The following DSCAML1 variants were observed in gnomAD, a reference collection of about 807,000 sequenced individuals.
DSCAML1 encodes DS cell adhesion molecule like 1, also known as cell adhesion molecule DSCAML1.
Under a neutral mutation model 200.5 loss-of-function variants are expected in DSCAML1, and 38 were observed. That is an observed-to-expected ratio of 0.19 (90% CI 0.15 to 0.25). DSCAML1 has a LOEUF of 0.25. Among genes scored for constraint, DSCAML1 ranks in the 10% least tolerant of loss-of-function variants. The pLI is 1.00. For missense variants in DSCAML1, 2,223 were observed against 2,858.8 expected, an observed-to-expected ratio of 0.78 and a Z score of 5.07; for synonymous variants, 1,215 against 1,165.0, an observed-to-expected ratio of 1.04 and a Z score of -0.87.
intron 3 of DSCAML1, among the ~76,000 whole-genome samples, chr11:117,627,897 G>A (rs899879264): frequency 6.6e-6 from 1 of 151,866 alleles, no homozygotes; most frequent in African/African-American, 2.4e-5. Context: ...CCAGATCCCT[G>A]GAGCTCTAAT....
intron 3 of DSCAML1, among the ~76,000 whole-genome samples, chr11:117,623,216 C>CTTTTTTTTTTTTTTTTT (rs56343852): frequency 2.5e-5 from 3 of 121,112 alleles, no homozygotes; most frequent in African/African-American, 6.2e-5. Flanking sequence ...CTTTTCTTTT[C>CTTTTTTTTTTTTTTTTT]TTTTTTTTTT....
intron 3 of DSCAML1, among the ~76,000 whole-genome samples, chr11:117,640,605 A>C (rs981634091): frequency 1.3e-5 from 2 of 152,070 alleles, no homozygotes; most frequent in Non-Finnish European, 1.5e-5. Context: ...AGAAAATCCC[A>C]TTGATTCTTT....
intron 18 of DSCAML1, among the ~76,000 whole-genome samples, chr11:117,459,611 C>T (rs988591120): frequency 7.9e-5 from 12 of 152,256 alleles, no homozygotes; most frequent in Admixed American, 2.0e-4. Context: ...GAGGACCCAA[C>T]GTCCCAGCCC....
chr11:117,562,643 C>G (rs2050685314), intron 3 of DSCAML1, among the ~76,000 whole-genome samples: 1 of 152,250 alleles, frequency 6.6e-6, no homozygotes, highest in African/African-American at 2.4e-5. Flanking sequence ...GCCAGTAGCT[C>G]ACAGAGTAGG....
chr11:117,799,018 G>A (rs1316052330), upstream of DSCAML1, among the ~76,000 whole-genome samples: 1 of 152,182 alleles, frequency 6.6e-6, no homozygotes, highest in Non-Finnish European at 1.5e-5. Flanking sequence ...AGATGACCCA[G>A]ACCGATCTTT....
intron 3 of DSCAML1, among the ~76,000 whole-genome samples, chr11:117,535,511 C>T (rs1042012984): frequency 6.6e-6 from 1 of 152,104 alleles, no homozygotes; most frequent in Non-Finnish European, 1.5e-5. Flanking sequence ...TGGGTGAGGA[C>T]GAGAAGGAAG....
At chr11:117,672,313 G>T (rs1330062447) in intron 3 of DSCAML1, among the ~76,000 whole-genome samples, 2 of 151,954 alleles carry the variant, frequency 1.3e-5, no homozygotes, top group Non-Finnish European at 2.9e-5. Context: ...TATAATTTGG[G>T]GTTGGTATTT....
At position 117,437,239 on chromosome 11, in the gene DSCAML1, C is replaced by T; in HGVS notation, c.4603G>A (p.Glu1535Lys). Residue 1535 changes from glutamate to lysine, a missense_variant, in exon 26 of 33, where the codon GAG becomes AAG. Transcript: ENST00000651296. This position sits in a 1 kb window ranked among gnomAD's most constrained non-coding sequence, Gnocchi z 5.3. The stretch of plus-strand genomic sequence containing the variant: ...TCTCGCAGTTCCGTCAGAAACACCT[C>T]CCCGGAGCTGTTGGCCCGGAGGCCC... ...WQGLRANSSG[E>K]VFLTELREAT... The T allele has an allele frequency of 6.2e-7, 1 of 1,614,228 alleles. No homozygotes were observed. The highest frequency in any genetic ancestry group is 8.5e-7 in the Non-Finnish European group (1 of 1,180,040).
chr11:117,726,018 C>T (rs932467817), intron 3 of DSCAML1, among the ~76,000 whole-genome samples: 1 of 152,132 alleles, frequency 6.6e-6, no homozygotes, highest in African/African-American at 2.4e-5. Flanking sequence ...ACATCCTCAG[C>T]CCAGGTCAGG....
chr11:117,634,814 C>T (rs1241091480), intron 3 of DSCAML1, among the ~76,000 whole-genome samples: 2 of 152,214 alleles, frequency 1.3e-5, no homozygotes, highest in South Asian at 2.1e-4. Context: ...CTTGGACATC[C>T]TGAGCTTCAT....
rs1592675234 is a variant in DSCAML1 at position 117,505,126 on chromosome 11, G to A, written c.2063-83C>T. 1 of 1,544,574 alleles carries A rather than the reference G, an allele frequency of 6.5e-7. No individual in the cohort carries two copies. The highest frequency in any genetic ancestry group is 2.3e-5 in the East Asian group (1 of 44,102). ...GGGCTTCGAGCACCTTCTGTTTGAG[G>A]TCAGCCCTGCCCGGGCCATTATAAA... On this transcript the variant is annotated intron_variant, in intron 9 of 32. Transcript: ENST00000651296. The surrounding 1 kb of genome is among the most constrained non-coding windows in gnomAD (Gnocchi z 6.7).
intron 3 of DSCAML1, among the ~76,000 whole-genome samples, chr11:117,741,526 A>C (rs1176519146): frequency 1.3e-5 from 2 of 152,274 alleles, no homozygotes; most frequent in Non-Finnish European, 2.9e-5. Flanking sequence ...CTATTACAAC[A>C]GCTTGCATCA....
intron 3 of DSCAML1, among the ~76,000 whole-genome samples, chr11:117,645,343 T>C (rs933989847): frequency 2.6e-5 from 4 of 152,124 alleles, no homozygotes; most frequent in Admixed American, 6.5e-5. Flanking sequence ...AGGCTGATTT[T>C]CTCTCCTCCC....
At chr11:117,587,254 C>CCA (rs1555187502) in intron 3 of DSCAML1, among the ~76,000 whole-genome samples, 1 of 16,026 alleles carries the variant, frequency 6.2e-5, no homozygotes, top group African/African-American at 1.5e-4. Flanking sequence ...TTCTTTCCAA[C>CCA]CCCCCCCCAC....
chr11:117,603,118 C>CAAA (rs76836144), intron 3 of DSCAML1, among the ~76,000 whole-genome samples: 1 of 151,640 alleles, frequency 6.6e-6, no homozygotes, highest in Non-Finnish European at 1.5e-5. Context: ...ACAACAACAA[C>CAAA]AAAAAAACCC....
chr11:117,496,028 C>G (rs1333726371), intron 11 of DSCAML1, among the ~76,000 whole-genome samples: 1 of 152,202 alleles, frequency 6.6e-6, no homozygotes, highest in Non-Finnish European at 1.5e-5. Context: ...TCATGCTCCT[C>G]CTTCCACCTG....
intron 11 of DSCAML1, among the ~76,000 whole-genome samples, chr11:117,492,866 A>G (rs528870364): frequency 6.6e-6 from 1 of 152,304 alleles, no homozygotes; most frequent in South Asian, 2.1e-4. Context: ...AGCCAGGGCC[A>G]TGGCGTTGTT....
chr11:117,516,860 G>A lies in DSCAML1; in HGVS notation c.1511-121C>T. 1 of 1,273,776 alleles carries A rather than the reference G, an allele frequency of 7.9e-7. No homozygotes were observed. The highest frequency in any genetic ancestry group is 1.1e-6 in the Non-Finnish European group (1 of 942,474). The allele number at this position is 1,273,776 out of a possible 1,614,324, so 78.9% of individuals were successfully genotyped here. ...GCACTCGGCCCCTGAGACTTTCGGG[G>A]GCGGACATTTGGTGGGGGCACAGGG... On this transcript the variant is annotated intron_variant, in intron 7 of 32. Coordinates refer to ENST00000651296, the MANE Select transcript of DSCAML1 (RefSeq NM_020693.4). This position sits in a 1 kb window ranked among gnomAD's most constrained non-coding sequence, Gnocchi z 5.7.
chr11:117,549,047 C>G (rs1438925714), intron 3 of DSCAML1, among the ~76,000 whole-genome samples: 1 of 152,128 alleles, frequency 6.6e-6, no homozygotes, highest in Non-Finnish European at 1.5e-5. Flanking sequence ...TGGTGTCTGC[C>G]CCTGTGTCCC....
Sources: gnomAD v4.1 joint callset for allele counts (sites outside exome capture counted in the v4.1 genomes callset) on GRCh38, gnomAD v4.1.1 for gene constraint, Gnocchi (gnomAD v3.1) non-coding constraint, MANE v1.5 for transcripts, NCBI Gene and HGNC (gene_info 2026-07-23, HGNC 2026-07-21) for gene names.